LRBA: variants seen among roughly 807,000 people sequenced by gnomAD.
LRBA encodes the protein lipopolysaccharide-responsive and beige-like anchor protein.
In LRBA, 176 loss-of-function variants were observed where a neutral mutation model predicts 330.0. The ratio of observed to expected loss-of-function variants is 0.53; its 90% confidence interval spans 0.47 to 0.60. LRBA has a LOEUF of 0.60. Among genes scored for constraint, LRBA ranks in the 20% least tolerant of loss-of-function variants. The pLI is 0.00. For synonymous variants in LRBA, 1,230 were observed against 1,193.0 expected, an observed-to-expected ratio of 1.03 and a Z score of -0.64; for missense variants, 3,259 against 3,444.8, an observed-to-expected ratio of 0.95 and a Z score of 1.35.
chr4:151,005,514 C>A (rs1215180264), intron 2 of LRBA, among the ~76,000 whole-genome samples: 2 of 134,982 alleles, frequency 1.5e-5, no homozygotes, highest in African/African-American at 5.7e-5. Context: ...TACTAGAAAA[C>A]TATACAGAGT....
chr4:150,677,830 A>G (rs78228668), intron 37 of LRBA, among the ~76,000 whole-genome samples: 3,925 of 39,052 alleles, frequency 0.1, 160 homozygotes, highest in African/African-American at 0.2. Context: ...AAGAAAAAGA[A>G]AAAAGAAAAG....
chr4:150,827,758 T>C lies in LRBA; in HGVS notation c.5171+422A>G, dbSNP rs188855697. Among the ~76,000 whole-genome samples, 291 of 151,982 alleles carry C rather than the reference T, an allele frequency of 1.9e-3. 2 individuals carry two copies. The highest frequency in any genetic ancestry group is 6.7e-3 in the African/African-American group (278 of 41,486). ...CCTGGATTACAGGCACACCCCACCA[T>C]GCCCAGCTAATTTTTGTATTTTTAG... On this transcript the variant is annotated intron_variant, in intron 30 of 56. Coordinates refer to ENST00000651943, the MANE Select transcript of LRBA (RefSeq NM_001364905.1).
At chr4:150,985,356 C>A (rs1467533548) in intron 2 of LRBA, among the ~76,000 whole-genome samples, 1 of 151,496 alleles carries the variant, frequency 6.6e-6, no homozygotes, top group Non-Finnish European at 1.5e-5. Context: ...CACCATGGAA[C>A]TAGTAAAATC....
chr4:150,731,317 A>G (rs1016243198), intron 36 of LRBA, among the ~76,000 whole-genome samples: 2 of 152,202 alleles, frequency 1.3e-5, no homozygotes, highest in Non-Finnish European at 2.9e-5. Flanking sequence ...GGAAATCAGT[A>G]TATTGAAGAT....
At chr4:150,618,079 C>T (rs1177612061) in intron 37 of LRBA, among the ~76,000 whole-genome samples, 1 of 152,014 alleles carries the variant, frequency 6.6e-6, no homozygotes, top group Non-Finnish European at 1.5e-5. Flanking sequence ...CACATCCAGC[C>T]TGGGTGACAG....
intron 35 of LRBA, among the ~76,000 whole-genome samples, chr4:150,756,943 T>G (rs931173747): frequency 1.3e-5 from 2 of 152,214 alleles, no homozygotes; most frequent in Non-Finnish European, 2.9e-5. Context: ...GTGCTGATAA[T>G]AATGATTCAA....
rs75558212 is a variant in LRBA at position 150,400,887 on chromosome 4, A to G, written c.7194+14551T>C. On this transcript the variant is annotated intron_variant, in intron 47 of 56. Transcript: ENST00000651943. ...AGTTTTCTTTCAAAAAGACAGAACA[A>G]GTAGTTGAGTGAGTGTTATGGGTTG... Among the ~76,000 whole-genome samples the G allele has an allele frequency of 4.9e-3, 748 of 152,334 alleles. 4 individuals carry two copies. The highest frequency in any genetic ancestry group is 0.017 in the African/African-American group (715 of 41,582).
chr4:150,844,870 C>A, intron 26 of LRBA, 91 bp from the exon 27 acceptor site: 1 of 1,047,978 alleles, frequency 9.5e-7, no homozygotes, highest in South Asian at 1.4e-5. Flanking sequence ...ATATGATTTA[C>A]ATAAGATTTT....
intron 52 of LRBA, among the ~76,000 whole-genome samples, chr4:150,308,578 A>G (rs1221599961): frequency 6.6e-6 from 1 of 152,208 alleles, no homozygotes; most frequent in Non-Finnish European, 1.5e-5. Flanking sequence ...GAGGTATTCC[A>G]AAAGGCAGTG....
chr4:150,404,096 T>C (rs765584504), intron 47 of LRBA, among the ~76,000 whole-genome samples: 3 of 152,114 alleles, frequency 2.0e-5, no homozygotes, highest in Non-Finnish European at 4.4e-5. Context: ...CAAGGTGTAA[T>C]TACTATTGAT....
chr4:150,409,650 T>A (rs1233674401), intron 47 of LRBA, among the ~76,000 whole-genome samples: 2 of 152,164 alleles, frequency 1.3e-5, no homozygotes, highest in East Asian at 3.8e-4. Flanking sequence ...AATCAGTTTA[T>A]CATCTTCCAA....
At chr4:150,798,219 T>C in intron 33 of LRBA, 77 bp from the exon 34 acceptor site, 2 of 929,638 alleles carry the variant, frequency 2.2e-6, no homozygotes, top group Admixed American at 1.8e-5. Flanking sequence ...TCCAAACTGT[T>C]TCTTCAAATT....
chr4:150,947,188 G>A lies in LRBA; in HGVS notation c.217-18123C>T, dbSNP rs567609954. On this transcript the variant is annotated intron_variant, in intron 2 of 56. Coordinates refer to ENST00000651943, the MANE Select transcript of LRBA (RefSeq NM_001364905.1). ...TTTTAAATTTCTCAATCCATTTTAC[G>A]AAGCTACTATTTTACTAAAACCAGA... 2.6e-3 allele frequency among the ~76,000 whole-genome samples: 386 copies of A among 147,430 alleles called. 16 individuals are homozygous for A. The South Asian group carries it at 0.079, about 30-fold the overall frequency.
At chr4:150,320,750 C>T (rs1438570374) in intron 50 of LRBA, among the ~76,000 whole-genome samples, 3 of 152,052 alleles carry the variant, frequency 2.0e-5, no homozygotes, top group South Asian at 4.1e-4. Context: ...AAGGCTACAG[C>T]GAGCTATGAT....
intron 22 of LRBA, among the ~76,000 whole-genome samples, chr4:150,855,984 G>A (rs1026382449): frequency 1.3e-5 from 2 of 152,176 alleles, no homozygotes; most frequent in African/African-American, 4.8e-5. Context: ...AAGTCATTAG[G>A]AAATACAGGA....
intron 40 of LRBA, among the ~76,000 whole-genome samples, chr4:150,561,638 G>C (rs1768354552): frequency 6.6e-6 from 1 of 152,076 alleles, no homozygotes; most frequent in African/African-American, 2.4e-5. Context: ...AGTTGGAAAA[G>C]GTAAGGAAAC....
At chr4:150,303,967 A>G (rs1293193203) in intron 52 of LRBA, among the ~76,000 whole-genome samples, 2 of 152,214 alleles carry the variant, frequency 1.3e-5, no homozygotes, top group Non-Finnish European at 2.9e-5. Flanking sequence ...ACAGACCCCC[A>G]TTCCATCTTT....
chr4:150,934,863 C>T (rs1029863167), intron 2 of LRBA, among the ~76,000 whole-genome samples: 4 of 152,070 alleles, frequency 2.6e-5, no homozygotes, highest in South Asian at 2.1e-4. Context: ...ACAAAATTAG[C>T]CGGGCATGGT....
intron 36 of LRBA, among the ~76,000 whole-genome samples, chr4:150,722,450 A>T (rs1211146752): frequency 6.6e-6 from 1 of 152,188 alleles, no homozygotes; most frequent in African/African-American, 2.4e-5. Context: ...ACAAATACTC[A>T]AGTACTATAA....
Sources: allele counts gnomAD v4.1 joint callset (sites outside exome capture counted in the v4.1 genomes callset), GRCh38; gene constraint gnomAD v4.1.1; transcripts MANE v1.5; gene names NCBI Gene and HGNC (gene_info 2026-07-23, HGNC 2026-07-21).